Variants in ECE1 observed in about 807,000 individuals in gnomAD.
The protein encoded by ECE1 is endothelin converting enzyme 1.
Under a neutral mutation model 98.6 loss-of-function variants are expected in ECE1, and 35 were observed. The ratio of observed to expected loss-of-function variants is 0.35; its 90% CI spans 0.27 to 0.47. The LOEUF (loss-of-function observed/expected upper bound fraction) is 0.47, where lower values mean the gene tolerates loss of function less well. ECE1 is among the 20% of genes least tolerant of loss of function. ECE1 has a pLI of 1.00. For synonymous variants in ECE1, 394 were observed against 407.1 expected (o/e 0.97, Z 0.39); for missense variants, 814 against 1,025.3 (o/e 0.79, Z 2.81).
intron 4 of ECE1, chr1:21,266,036 T>C (rs546500613): frequency 6.6e-6 from 1 of 152,286 alleles, no homozygotes; most frequent in African/African-American, 2.4e-5. Flanking sequence ...CAGAGCACCA[T>C]TTCATCGGCC....
chr1:21,344,432 C>T (rs771697557), intron 1 of ECE1, among the ~76,000 whole-genome samples: 2 of 152,190 alleles, frequency 1.3e-5, no homozygotes, highest in African/African-American at 4.8e-5. Context: ...AGAGGGAATC[C>T]GAGTGGCTCG....
At chr1:21,339,761 CT>C (rs1639367101) in intron 1 of ECE1, among the ~76,000 whole-genome samples, 1 of 152,326 alleles carries the variant, frequency 6.6e-6, no homozygotes, top group African/African-American at 2.4e-5. Context: ...TCTCTAGAAA[CT>C]TGCTCCCCTG....
intron 1 of ECE1, among the ~76,000 whole-genome samples, chr1:21,315,638 A>G (rs1427928827): frequency 2.6e-5 from 4 of 151,976 alleles, no homozygotes; most frequent in Non-Finnish European, 5.9e-5. Flanking sequence ...TACTAAAAAT[A>G]CAAAAATTAG....
chr1:21,335,742 T>A (rs1639294812), intron 1 of ECE1, among the ~76,000 whole-genome samples: 1 of 152,046 alleles, frequency 6.6e-6, no homozygotes, highest in African/African-American at 2.4e-5. Context: ...CTGGGGTGGG[T>A]GAGACCCTGG....
In ECE1 at chr1:21,290,294, C is replaced by A; in HGVS notation, c.51+70G>T. The stretch of plus-strand genomic sequence containing the variant: ...GACACCCGAGACCGAGACCGGCCCA[C>A]GGAGCGGCCCGCGCGGGGAGGGGTC... On this transcript the variant is annotated intron_variant, in intron 1 of 18. Coordinates refer to ENST00000374893, the MANE Select transcript of ECE1 (RefSeq NM_001397.3). The surrounding 1 kb of genome is among the most constrained non-coding windows in gnomAD (Gnocchi z 7.3). 1 of 1,247,602 alleles carries A rather than the reference C, an allele frequency of 8.0e-7. No individual in the cohort carries two copies. Among genetic ancestry groups the A allele is most frequent in the Admixed American group, 4.2e-5 (1 of 23,914 alleles). The allele number at this position is 1,247,602 out of a possible 1,614,324, so 77.3% of individuals were successfully genotyped here.
At chr1:21,251,047 T>C (rs1486929302) in intron 8 of ECE1, among the ~76,000 whole-genome samples, 1 of 150,844 alleles carries the variant, frequency 6.6e-6, no homozygotes, top group African/African-American at 2.4e-5. Flanking sequence ...TGGGGTAAGG[T>C]GACTTTCCTG....
chr1:21,323,426 C>G (rs1291744753), intron 1 of ECE1, among the ~76,000 whole-genome samples: 1 of 152,202 alleles, frequency 6.6e-6, no homozygotes, highest in Non-Finnish European at 1.5e-5. Flanking sequence ...CGTGTTAGCA[C>G]TGTTCTCGAC....
intron 2 of ECE1, among the ~76,000 whole-genome samples, chr1:21,282,074 C>A (rs545484265): frequency 2.6e-5 from 4 of 151,582 alleles, no homozygotes; most frequent in Non-Finnish European, 5.9e-5. Flanking sequence ...ATGGCTTGAG[C>A]CCAGGAGTTC....
chr1:21,301,762 G>A (rs560457016), intron 1 of ECE1, among the ~76,000 whole-genome samples: 113 of 146,782 alleles, frequency 7.7e-4, no homozygotes, highest in African/African-American at 2.7e-3. Context: ...GGAGGTGGAG[G>A]TTGCCGTGAG....
intron 1 of ECE1, among the ~76,000 whole-genome samples, chr1:21,311,583 G>A (rs193300450): frequency 1.3e-3 from 196 of 151,662 alleles, no homozygotes; most frequent in African/African-American, 4.3e-3. Flanking sequence ...CGGAGGTCGA[G>A]GTGGGAGGAT....
intron 7 of ECE1, 150 bp from the exon 8 acceptor site, chr1:21,256,288 G>T: frequency 1.1e-6 from 1 of 889,304 alleles, no homozygotes; most frequent in Non-Finnish European, 1.7e-6. Context: ...AGGTGTGGTG[G>T]CTCACGCCTG....
Position 21,235,770 on chromosome 1 carries a change from C to T in ECE1, c.1566+80G>A. 7.0e-7 allele frequency: 1 copy of T among 1,425,456 alleles called. No homozygotes were observed. Among genetic ancestry groups the T allele is most frequent in the Non-Finnish European group, 9.9e-7 (1 of 1,008,296 alleles). 88.3% of individuals were successfully genotyped at this position (1,425,456 alleles called of 1,614,324 possible). On this transcript the variant is annotated intron_variant, in intron 13 of 18. Transcript: ENST00000374893. The surrounding 1 kb of genome is among the most constrained non-coding windows in gnomAD (Gnocchi z 4.2). Reference sequence around the variant, plus strand: ...TGACAACCATGCTGCCTCTAGCACCCCATCTGGACCCAGCCCTGCCTCGGC... The same window carrying T: ...TGACAACCATGCTGCCTCTAGCACCTCATCTGGACCCAGCCCTGCCTCGGC...
chr1:21,297,267 G>C (rs919273558), intron 1 of ECE1, among the ~76,000 whole-genome samples: 1 of 152,170 alleles, frequency 6.6e-6, no homozygotes, highest in East Asian at 1.9e-4. Context: ...AGTGCCTGCT[G>C]TGGAGGCCAC....
chr1:21,254,084 A>G lies in ECE1; in HGVS notation c.1020+1863T>C. Among the ~76,000 whole-genome samples the G allele has an allele frequency of 1.3e-5, 2 of 151,518 alleles. 1 individual carries two copies. The highest frequency in any genetic ancestry group is 3.9e-4 in the East Asian group (2 of 5,184). On this transcript the variant is annotated intron_variant, in intron 8 of 18. Coordinates refer to ENST00000374893, the MANE Select transcript of ECE1 (RefSeq NM_001397.3). ...ACTTTGTCTCAAAAAAAAAAAAAAA[A>G]AAAAAAAAGAGGAACCACAGTCCCT... is the stretch of plus-strand genomic sequence containing the variant.
chr1:21,228,747 C>A (rs537131523), intron 14 of ECE1, among the ~76,000 whole-genome samples: 1 of 151,700 alleles, frequency 6.6e-6, no homozygotes, highest in East Asian at 2.0e-4. Context: ...TGAGATTGAG[C>A]CACTGCACTC....
intron 4 of ECE1, among the ~76,000 whole-genome samples, chr1:21,268,539 G>C (rs770135758): frequency 1.3e-5 from 2 of 152,252 alleles, no homozygotes; most frequent in African/African-American, 2.4e-5. Context: ...GCAGAGAAAT[G>C]CATGGCTTGC....
rs1639098539 is a variant in ECE1, at chr1:21,327,244, G to A, written c.3+18132C>T. On this transcript the variant is annotated intron_variant, in intron 1 of 18. Coordinates refer to the ECE1 transcript ENST00000415912. This position sits in a 1 kb window ranked among gnomAD's most constrained non-coding sequence, Gnocchi z 4.6. Reference sequence around the variant, plus strand: ...CCTGGAGTCCATGTTTGGCTGGAAGGCCCTGGGATGGGAGGCTCCAGCTTA... The same window carrying A: ...CCTGGAGTCCATGTTTGGCTGGAAGACCCTGGGATGGGAGGCTCCAGCTTA... 6.6e-6 allele frequency among the ~76,000 whole-genome samples: 1 copy of A among 152,238 alleles called. No individual in the cohort carries two copies. The highest frequency in any genetic ancestry group is 1.5e-5 in the Non-Finnish European group (1 of 68,038).
chr1:21,345,354 G>A lies in ECE1; in HGVS notation c.3+22C>T. 1 of 1,360,956 alleles carries A rather than the reference G, an allele frequency of 7.3e-7. No homozygotes were observed. The highest frequency in any genetic ancestry group is 9.5e-7 in the Non-Finnish European group (1 of 1,048,184). The allele number at this position is 1,360,956 out of a possible 1,614,324, so 84.3% of individuals were successfully genotyped here. A position where few individuals can be genotyped will look rare whatever the true frequency, so the allele number is the denominator to read the frequency against. ...GTCGAGGCTGGGCTGGACCGGACCA[G>A]ACCTCCGCGCGCAGCACTCACCATA... is the stretch of plus-strand genomic sequence containing the variant. On this transcript the variant is annotated intron_variant, in intron 1 of 18. Transcript: ENST00000415912. This position sits in a 1 kb window ranked among gnomAD's most constrained non-coding sequence, Gnocchi z 5.1.
intron 17 of ECE1, among the ~76,000 whole-genome samples, chr1:21,224,846 A>G (rs1490457318): frequency 6.6e-6 from 1 of 152,182 alleles, no homozygotes; most frequent in African/African-American, 2.4e-5. Context: ...TTACTCCAGA[A>G]CCGGGACTTG....
Sources: allele counts gnomAD v4.1 joint callset (sites outside exome capture counted in the v4.1 genomes callset), GRCh38; gene constraint gnomAD v4.1.1; non-coding constraint Gnocchi (gnomAD v3.1); transcripts MANE v1.5; gene names NCBI Gene and HGNC (gene_info 2026-07-23, HGNC 2026-07-21).